Variants in IQCB1 observed in about 807,000 individuals in gnomAD.
The protein encoded by IQCB1 is IQ motif containing B1.
IQCB1 carries 56 observed loss-of-function variants against 84.4 expected under a neutral mutation model. The observed-to-expected ratio is 0.66, with a 90% CI of 0.54 to 0.83. The LOEUF (loss-of-function observed/expected upper bound fraction) is 0.83. Ranked by LOEUF, IQCB1 falls within the 40% of genes least tolerant of loss-of-function variation. The pLI, the probability that IQCB1 is intolerant of heterozygous loss-of-function variation, is 0.00. For missense variants in IQCB1, 629 were observed against 682.1 expected, an observed-to-expected ratio of 0.92 and a Z score of 0.87; for synonymous variants, 210 against 234.8, an observed-to-expected ratio of 0.89 and a Z score of 0.96.
intron 13 of IQCB1, among the ~76,000 whole-genome samples, chr3:121,778,669 G>A (rs1271522047): frequency 3.3e-5 from 5 of 151,890 alleles, no homozygotes; most frequent in Non-Finnish European, 7.4e-5. Context: ...ACTTTGGGAG[G>A]CTGAGATGGG....
intron 5 of IQCB1, among the ~76,000 whole-genome samples, chr3:121,823,583 T>C (rs530076856): frequency 6.6e-6 from 1 of 151,624 alleles, no homozygotes; most frequent in East Asian, 1.9e-4. Context: ...GGAAAAAAAA[T>C]TGATGAAGTA....
intron 5 of IQCB1, among the ~76,000 whole-genome samples, chr3:121,816,470 A>C (rs1950061808): frequency 1.3e-5 from 2 of 152,210 alleles, no homozygotes; most frequent in Non-Finnish European, 2.9e-5. Context: ...AACTATCATC[A>C]GAGTGAACAG....
At chr3:121,783,225 C>G (rs1435319846) in intron 12 of IQCB1, among the ~76,000 whole-genome samples, 1 of 152,126 alleles carries the variant, frequency 6.6e-6, no homozygotes, top group Non-Finnish European at 1.5e-5. Context: ...ACCCACTTAC[C>G]CTGTCCCCTG....
At chr3:121,783,100 G>A (rs1384405567) in intron 12 of IQCB1, among the ~76,000 whole-genome samples, 5 of 152,160 alleles carry the variant, frequency 3.3e-5, no homozygotes, top group Non-Finnish European at 5.9e-5. Flanking sequence ...GCCCTTCCCT[G>A]AAAAGTTTGC....
intron 14 of IQCB1, among the ~76,000 whole-genome samples, chr3:121,772,296 G>T (rs181643379): frequency 2.2e-4 from 34 of 152,260 alleles, no homozygotes; most frequent in African/African-American, 8.2e-4. Flanking sequence ...AAGATGGCTA[G>T]TAGGGCTCAG....
intron 5 of IQCB1, among the ~76,000 whole-genome samples, chr3:121,813,950 C>T (rs1199701095): frequency 6.6e-6 from 1 of 152,120 alleles, no homozygotes; most frequent in Non-Finnish European, 1.5e-5. Flanking sequence ...AACTCTCCAC[C>T]CCAAATAAAT....
At chr3:121,787,519 G>A (rs559712032) in intron 12 of IQCB1, among the ~76,000 whole-genome samples, 70 of 152,266 alleles carry the variant, frequency 4.6e-4, no homozygotes, top group African/African-American at 1.3e-3. Context: ...TTCGGAGGCC[G>A]AGGTGGGCAG....
chr3:121,835,021 A>C lies in IQCB1; in HGVS notation c.-157T>G. 1 of 553,396 alleles carries C rather than the reference A, an allele frequency of 1.8e-6. No individual in the cohort carries two copies. Among genetic ancestry groups the C allele is most frequent in the Non-Finnish European group, 3.3e-6 (1 of 307,184 alleles). 34.3% of individuals were successfully genotyped at this position (553,396 alleles called of 1,614,324 possible). A position where few individuals can be genotyped will look rare whatever the true frequency, so the allele number is the denominator to read the frequency against. On this transcript the variant is annotated 5_prime_UTR_variant, in exon 1 of 15. Coordinates refer to ENST00000310864, the MANE Select transcript of IQCB1 (RefSeq NM_001023570.4). ...GAACCTGGGGCTCCCACGCCGCACT[A>C]CAGCGCCGCGGCCTTCCGGGGCAGC...
At chr3:121,818,905 G>C (rs1950172149) in intron 5 of IQCB1, among the ~76,000 whole-genome samples, 1 of 149,686 alleles carries the variant, frequency 6.7e-6, no homozygotes, top group African/African-American at 2.5e-5. Context: ...TATGTTGTGA[G>C]GGTGGAAGCA....
intron 5 of IQCB1, among the ~76,000 whole-genome samples, chr3:121,816,134 AT>A (rs1950046169): frequency 1.3e-5 from 2 of 152,112 alleles, no homozygotes; most frequent in South Asian, 4.2e-4. Context: ...CAACCATCTG[AT>A]CTTTGACAAA....
At chr3:121,782,330 T>C (rs1481882560) in intron 12 of IQCB1, among the ~76,000 whole-genome samples, 1 of 152,230 alleles carries the variant, frequency 6.6e-6, no homozygotes, top group East Asian at 1.9e-4. Flanking sequence ...AAAAGAAATT[T>C]TGTAATAGGC....
intron 8 of IQCB1, among the ~76,000 whole-genome samples, chr3:121,798,918 A>G (rs1393910254): frequency 4.6e-5 from 7 of 151,932 alleles, no homozygotes; most frequent in Admixed American, 4.6e-4. Context: ...TTACTATACT[A>G]TATGGTATAT....
chr3:121,778,869 A>C (rs1306349637), intron 13 of IQCB1, among the ~76,000 whole-genome samples: 2 of 150,648 alleles, frequency 1.3e-5, no homozygotes, highest in African/African-American at 2.4e-5. Flanking sequence ...ACTGCACTCC[A>C]GCCTGGGTGA....
At chr3:121,785,349 C>A (rs927874557) in intron 12 of IQCB1, among the ~76,000 whole-genome samples, 4 of 151,806 alleles carry the variant, frequency 2.6e-5, no homozygotes, top group Non-Finnish European at 4.4e-5. Flanking sequence ...ACTTCCCAGG[C>A]TCAGGTGATT....
At chr3:121,814,330 C>T (rs991942596) in intron 5 of IQCB1, among the ~76,000 whole-genome samples, 14 of 151,988 alleles carry the variant, frequency 9.2e-5, no homozygotes, top group African/African-American at 3.1e-4. Context: ...GATCTAAAAT[C>T]GACACCCTAA....
chr3:121,833,359 G>A (rs1708053782), intron 2 of IQCB1, among the ~76,000 whole-genome samples: 1 of 152,176 alleles, frequency 6.6e-6, no homozygotes, highest in Non-Finnish European at 1.5e-5. Context: ...ACAAACCTCA[G>A]GCATTCTGAG....
intron 8 of IQCB1, among the ~76,000 whole-genome samples, chr3:121,797,642 A>G (rs1949254536): frequency 6.6e-6 from 1 of 152,124 alleles, no homozygotes; most frequent in South Asian, 2.1e-4. Flanking sequence ...CTGTGGAAGC[A>G]CTTATGCAGA....
intron 13 of IQCB1, among the ~76,000 whole-genome samples, chr3:121,780,883 TGA>T (rs10687174): frequency 4.7e-5 from 7 of 148,896 alleles, no homozygotes; most frequent in South Asian, 2.1e-4. Flanking sequence ...TGTGTGTGTG[TGA>T]GAGAGAGAGA....
At chr3:121,797,277 G>T in intron 8 of IQCB1, 50 bp from the exon 9 acceptor site, 1 of 840,092 alleles carries the variant, frequency 1.2e-6, no homozygotes, top group South Asian at 1.7e-5. Flanking sequence ...AATAAAATAT[G>T]ATTTTGTTAT....
Sources: gnomAD v4.1 joint callset for allele counts (sites outside exome capture counted in the v4.1 genomes callset) on GRCh38, gnomAD v4.1.1 for gene constraint, MANE v1.5 for transcripts, NCBI Gene and HGNC (gene_info 2026-07-23, HGNC 2026-07-21) for gene names.